Variants in SCN3A observed in about 807,000 individuals in gnomAD.
The protein encoded by SCN3A is sodium channel protein type 3 subunit alpha.
In SCN3A, 60 loss-of-function variants were observed where a neutral mutation model predicts 187.6. The ratio of observed to expected loss-of-function variants is 0.32; its 90% CI spans 0.26 to 0.40. The LOEUF (loss-of-function observed/expected upper bound fraction) is 0.40, where lower values mean the gene tolerates loss of function less well. SCN3A is among the 10% of genes least tolerant of loss of function. The pLI is 1.00. For missense variants in SCN3A, 1,601 were observed against 2,428.2 expected, an observed-to-expected ratio of 0.66 and a Z score of 7.16; for synonymous variants, 788 against 829.2, an observed-to-expected ratio of 0.95 and a Z score of 0.85.
At chr2:165,163,557 A>G (rs2105892739) in intron 7 of SCN3A, 61 bp downstream of exon 7, 9 of 1,555,942 alleles carry the variant, frequency 5.8e-6, no homozygotes, top group Middle Eastern at 3.4e-4. Context: ...GCTGTAAGTC[A>G]TATAAATTGA....
chr2:165,180,326 G>A (rs1013647689), intron 2 of SCN3A, among the ~76,000 whole-genome samples: 16 of 152,170 alleles, frequency 1.1e-4, no homozygotes, highest in African/African-American at 3.4e-4. Flanking sequence ...TCCAATGTGG[G>A]AGGCAGATTT....
chr2:165,151,366 A>G (rs781059639), intron 11 of SCN3A, among the ~76,000 whole-genome samples: 1 of 152,328 alleles, frequency 6.6e-6, no homozygotes, highest in South Asian at 2.1e-4. Flanking sequence ...GGAGCCATTC[A>G]TCTGAAAAAA....
At chr2:165,175,176 T>C (rs1196050050) in intron 3 of SCN3A, among the ~76,000 whole-genome samples, 2 of 152,214 alleles carry the variant, frequency 1.3e-5, no homozygotes, top group East Asian at 3.8e-4. Flanking sequence ...AATAAAGGTG[T>C]TTAATATCTT....
intron 3 of SCN3A, among the ~76,000 whole-genome samples, chr2:165,174,803 T>C (rs1259997970): frequency 1.3e-5 from 2 of 152,236 alleles, no homozygotes; most frequent in Admixed American, 6.5e-5. Flanking sequence ...TTTTTAGAAG[T>C]ACATGAATGT....
Position 165,155,846 on chromosome 2 carries a change from G to A in SCN3A, c.1089C>T (p.Tyr363=). 6.2e-7 allele frequency: 1 copy of A among 1,613,608 alleles called. No individual in the cohort carries two copies. Among genetic ancestry groups the A allele is most frequent in the Non-Finnish European group, 8.5e-7 (1 of 1,179,974 alleles). Residue 363 remains tyrosine, a synonymous_variant, in exon 10 of 28, where the codon TAC becomes TAT. Coordinates refer to ENST00000283254, the MANE Select transcript of SCN3A (RefSeq NM_006922.4). ...VKAGRNPNYG[Y]TSFDTFSWAF... ...CCCAGCTAAAGGTGTCAAAGCTTGT[G>A]TAGCCATAGTTGGGGTTTCGACCAG...
Position 165,092,129 on chromosome 2 carries a change from A to G in SCN3A, c.4807+125T>C. The stretch of plus-strand genomic sequence containing the variant: ...TTCAGAGTTTTTATTCAAATATGCT[A>G]GTGTTGAACTTTACATCTATATGCA... On this transcript the variant is annotated intron_variant, in intron 27 of 27. Coordinates refer to ENST00000283254, the MANE Select transcript of SCN3A (RefSeq NM_006922.4). The surrounding 1 kb of genome is among the most constrained non-coding windows in gnomAD (Gnocchi z 4.2). 1 of 927,640 alleles carries G rather than the reference A, an allele frequency of 1.1e-6. No homozygotes were observed. The highest frequency in any genetic ancestry group is 1.6e-5 in the African/African-American group (1 of 61,374). 57.5% of individuals were successfully genotyped at this position (927,640 alleles called of 1,614,324 possible). A position where few individuals can be genotyped will look rare whatever the true frequency, so the allele number is the denominator to read the frequency against.
chr2:165,186,976 G>T (rs1481562570), intron 1 of SCN3A, among the ~76,000 whole-genome samples: 4 of 152,262 alleles, frequency 2.6e-5, no homozygotes, highest in South Asian at 2.1e-4. Context: ...TGGGACAGGG[G>T]TGCTCCCCCT....
chr2:165,181,120 CT>C (rs1463298453), intron 2 of SCN3A, among the ~76,000 whole-genome samples: 3 of 152,122 alleles, frequency 2.0e-5, no homozygotes, highest in Non-Finnish European at 4.4e-5. Context: ...CTTCATGTCA[CT>C]TAAGAGAATA....
In SCN3A at chr2:165,130,850, T is replaced by A. The variant is rs555291864; in HGVS notation, c.2565+394A>T. ...ACAATTATTTAAGATACTAATAACATCAAATATTTTCCCACATGTTGCTTT... is the reference window on the plus strand; with the variant it reads ...ACAATTATTTAAGATACTAATAACAACAAATATTTTCCCACATGTTGCTTT... On this transcript the variant is annotated intron_variant, in intron 16 of 27. Coordinates refer to ENST00000283254, the MANE Select transcript of SCN3A (RefSeq NM_006922.4). Among the ~76,000 whole-genome samples the A allele has an allele frequency of 3.9e-5, 6 of 152,238 alleles. No individual in the cohort carries two copies. In the East Asian group the frequency reaches 1.2e-3, roughly 29 times the overall value.
At chr2:165,141,475 A>G (rs1688011210) in intron 12 of SCN3A, among the ~76,000 whole-genome samples, 1 of 152,246 alleles carries the variant, frequency 6.6e-6, no homozygotes, top group African/African-American at 2.4e-5. Flanking sequence ...GTTGCATTGT[A>G]GCCAATATTT....
intron 11 of SCN3A, among the ~76,000 whole-genome samples, chr2:165,153,014 GAACA>G (rs1688783094): frequency 8.3e-6 from 1 of 121,182 alleles, no homozygotes; most frequent in Admixed American, 7.9e-5. Context: ...AAAAAAAAAA[GAACA>G]AAAAGTTGGG....
At chr2:165,154,122 C>T (rs1574240750) in intron 11 of SCN3A, among the ~76,000 whole-genome samples, 1 of 149,106 alleles carries the variant, frequency 6.7e-6, no homozygotes, top group Non-Finnish European at 1.5e-5. Flanking sequence ...AGGGGTGAAT[C>T]ACTAATAATT....
In SCN3A at chr2:165,089,939, A is replaced by G. The variant is rs1425822646; in HGVS notation, c.*211T>C. ...TCCTCAGCAGTGTCAGCTGGTAATA[A>G]AAACAGCAACCTCTTGTCAATGTTG... is the stretch of plus-strand genomic sequence containing the variant. On this transcript the variant is annotated 3_prime_UTR_variant, in exon 28 of 28. Transcript: ENST00000283254. The G allele has an allele frequency of 1.7e-5, 11 of 638,318 alleles. No homozygotes were observed. The South Asian group carries it at 2.2e-4, about 13-fold the overall frequency. 39.5% of individuals were successfully genotyped at this position (638,318 alleles called of 1,614,324 possible). A position where few individuals can be genotyped will look rare whatever the true frequency, so the allele number is the denominator to read the frequency against.
chr2:165,100,768 A>C (rs1005111225), intron 21 of SCN3A, among the ~76,000 whole-genome samples: 1 of 152,194 alleles, frequency 6.6e-6, no homozygotes, highest in Admixed American at 6.5e-5. Context: ...GCTTAAAATT[A>C]TTGATTAGAA....
chr2:165,189,973 G>T (rs943847368), intron 1 of SCN3A, among the ~76,000 whole-genome samples: 1 of 152,108 alleles, frequency 6.6e-6, no homozygotes, highest in African/African-American at 2.4e-5. Context: ...TCAGCATTTT[G>T]CACAAGAACA....
At chr2:165,196,852 T>C (rs1691997403) in intron 1 of SCN3A, among the ~76,000 whole-genome samples, 1 of 152,136 alleles carries the variant, frequency 6.6e-6, no homozygotes, top group African/African-American at 2.4e-5. Flanking sequence ...AACTGGTGAT[T>C]TGGAGATTCA....
chr2:165,112,960 A>G lies in SCN3A; in HGVS notation c.3768T>C (p.Leu1256=), dbSNP rs1444067697. 1.9e-6 allele frequency: 3 copies of G among 1,613,376 alleles called. No homozygotes were observed. In the South Asian group the frequency reaches 3.3e-5, roughly 18 times the overall value. Reference sequence around the variant, plus strand: ...GAAATCCATAAGCAACCCATTTGAGAAGCATTTCCAGAATGAATATATAGG... The same window carrying G: ...GAAATCCATAAGCAACCCATTTGAGGAGCATTTCCAGAATGAATATATAGG... ...VFTYIFILEM[L]LKWVAYGFQT... Residue 1256 remains leucine, a synonymous_variant, in exon 21 of 28, where the codon CTT becomes CTC. Coordinates refer to ENST00000283254, the MANE Select transcript of SCN3A (RefSeq NM_006922.4).
At chr2:165,156,919 GT>G (rs1689088622) in intron 9 of SCN3A, among the ~76,000 whole-genome samples, 1 of 149,608 alleles carries the variant, frequency 6.7e-6, no homozygotes, top group South Asian at 2.1e-4. Context: ...CTTTTTTTTT[GT>G]TTTGTTTTGA....
At chr2:165,198,497 G>T (rs571767752) in intron 1 of SCN3A, among the ~76,000 whole-genome samples, 3 of 152,140 alleles carry the variant, frequency 2.0e-5, no homozygotes, top group South Asian at 2.1e-4. Context: ...AATCTATCTG[G>T]TATTATAAAT....
Sources: allele counts gnomAD v4.1 joint callset (sites outside exome capture counted in the v4.1 genomes callset), GRCh38; gene constraint gnomAD v4.1.1; non-coding constraint Gnocchi (gnomAD v3.1); transcripts MANE v1.5; gene names NCBI Gene and HGNC (gene_info 2026-07-23, HGNC 2026-07-21).